The following CCDC9 variants were observed in gnomAD, a reference collection of about 807,000 sequenced individuals.
The protein encoded by CCDC9 is coiled-coil domain-containing protein 9.
CCDC9 carries 52 observed loss-of-function variants against 65.6 expected under a neutral mutation model. That is an observed-to-expected ratio of 0.79 (90% CI 0.63 to 1.00). The LOEUF is 1.00. CCDC9 is among the 50% of genes least tolerant of loss of function. The probability of loss-of-function intolerance (pLI) is 0.00; values close to 1 mark genes in which losing one functional copy is unlikely to be tolerated. For synonymous variants in CCDC9, 332 were observed against 280.3 expected (o/e 1.18, Z -1.84); for missense variants, 834 against 757.2 (o/e 1.10, Z -1.19).
chr19:47,256,908 C>T (rs1678795431), intron 1 of CCDC9, among the ~76,000 whole-genome samples: 1 of 150,810 alleles, frequency 6.6e-6, no homozygotes, highest in African/African-American at 2.5e-5. Context: ...GGGGCTCGGA[C>T]GCCGGGCGGA....
rs202008753 is a variant in CCDC9, at chr19:47,271,647, C to A, written c.1565C>A (p.Pro522Gln). 6.2e-7 allele frequency: 1 copy of A among 1,602,822 alleles called. No homozygotes were observed. Among genetic ancestry groups the A allele is most frequent in the Non-Finnish European group, 8.5e-7 (1 of 1,174,458 alleles). The change falls in exon 12 of 12, where the codon CCG (proline) becomes CAG (glutamine). Residue 522 changes from proline (P) to glutamine (Q), a missense_variant. Physicochemically the swap from Pro to Gln is moderately conservative, Grantham distance 76. Transcript: ENST00000221922. ...RTTHLAGALS[P>Q]GEAWPFESV ...ACTCACCTGGCTGGCGCCCTCTCCC[C>A]GGGTGAGGCCTGGCCTTTTGAGAGT...
chr19:47,258,765 T>C (rs1178550216), intron 3 of CCDC9, 102 bp downstream of exon 3: 2 of 842,850 alleles, frequency 2.4e-6, no homozygotes, highest in East Asian at 5.1e-5. Context: ...TCCCCATCAC[T>C]GTCAGGATAA....
Position 47,260,578 on chromosome 19 carries a change from C to T in CCDC9, c.211-10C>T, listed in dbSNP as rs1267829163. On this transcript the variant is annotated splice_polypyrimidine_tract_variant and intron_variant, in intron 4 of 11. Coordinates refer to ENST00000221922, the MANE Select transcript of CCDC9 (RefSeq NM_015603.3). ...CAGTGACTGTATTTTCCCCATCTCCCCTCTTCCAGGAGAAGAACCTGGGTC... is the reference window on the plus strand; with the variant it reads ...CAGTGACTGTATTTTCCCCATCTCCTCTCTTCCAGGAGAAGAACCTGGGTC... 2.0e-6 allele frequency: 3 copies of T among 1,533,256 alleles called. No individual in the cohort carries two copies. Among genetic ancestry groups the T allele is most frequent in the African/African-American group, 1.4e-5 (1 of 72,602 alleles). The allele number at this position is 1,533,256 out of a possible 1,614,324, so 95.0% of individuals were successfully genotyped here. A position where few individuals can be genotyped will look rare whatever the true frequency, so the allele number is the denominator to read the frequency against.
In CCDC9 at chr19:47,260,379, G is replaced by A. The variant is rs1390076894; in HGVS notation, c.167G>A (p.Arg56Gln). Reference sequence around the variant, plus strand: ...GAGGGAGTCGCAGTCACAGCTCCCCGAAAGGGCCGCTCAGTGGAGAAGGAG... The same window carrying A: ...GAGGGAGTCGCAGTCACAGCTCCCCAAAAGGGCCGCTCAGTGGAGAAGGAG... Reference protein sequence around the residue: ...ELEGVAVTAPRKGRSVEKENV... With the variant: ...ELEGVAVTAPQKGRSVEKENV... Residue 56 changes from arginine to glutamine, a missense_variant, in exon 4 of 12, where the codon CGA (arginine) becomes CAA (glutamine). Transcript: ENST00000221922. The A allele has an allele frequency of 3.1e-6, 5 of 1,605,604 alleles. No individual in the cohort carries two copies. The South Asian group carries it at 4.5e-5, about 14-fold the overall frequency.
rs2059110122 is a variant in CCDC9, at chr19:47,270,573, C to G, written c.970C>G (p.Pro324Ala). 1 of 1,613,794 alleles carries G rather than the reference C, an allele frequency of 6.2e-7. No homozygotes were observed. Among genetic ancestry groups the G allele is most frequent in the African/African-American group, 1.3e-5 (1 of 74,932 alleles). The change falls in exon 10 of 12, where the codon CCC (proline) becomes GCC (alanine). Residue 324 changes from proline (P) to alanine (A), a missense_variant. Coordinates refer to ENST00000221922, the MANE Select transcript of CCDC9 (RefSeq NM_015603.3). ...HRYDDQAWAR[P>A]PKPPTFGEFL... ...TGCAGATGACCAGGCCTGGGCCCGG[C>G]CCCCGAAGCCCCCTACTTTTGGGGA...
intron 1 of CCDC9, among the ~76,000 whole-genome samples, 161 bp downstream of exon 1, chr19:47,256,770 C>T (rs1373766033): frequency 2.7e-5 from 1 of 37,196 alleles, no homozygotes; most frequent in Admixed American, 3.9e-4. Context: ...GCGGGGCGGG[C>T]CGTTGGGTGG....
downstream of CCDC9, chr19:47,274,946 C>CG (rs1568645174): frequency 7.4e-7 from 1 of 1,346,384 alleles, no homozygotes; most frequent in Non-Finnish European, 9.4e-7. Context: ...GCGTGGGCGG[C>CG]GGCGCCGAGA....
intron 5 of CCDC9, 107 bp downstream of exon 5, chr19:47,260,946 A>ATC: frequency 7.6e-6 from 10 of 1,307,754 alleles, no homozygotes; most frequent in Non-Finnish European, 1.0e-5. Context: ...ATCTTTCAGT[A>ATC]TCTCTCTCTG....
At chr19:47,274,714 C>T (rs1222736438), downstream of CCDC9, 18 of 247,400 alleles carry the variant, frequency 7.3e-5, 1 homozygote, top group South Asian at 1.7e-3. Flanking sequence ...GGGGTAGCAC[C>T]TCCGCCTGTC....
intron 3 of CCDC9, among the ~76,000 whole-genome samples, chr19:47,259,078 G>T (rs1382730268): frequency 6.6e-6 from 1 of 152,228 alleles, no homozygotes; most frequent in East Asian, 1.9e-4. Context: ...GGGCTTCCTG[G>T]AGGAGTGGAC....
downstream of CCDC9, chr19:47,272,004 TTC>T: frequency 8.0e-7 from 1 of 1,243,410 alleles, no homozygotes; most frequent in Non-Finnish European, 1.0e-6. Context: ...CCCCTGGGCC[TTC>T]TCTCTTGGGG....
At chr19:47,272,305 A>G, downstream of CCDC9, 1 of 463,904 alleles carries the variant, frequency 2.2e-6, no homozygotes, top group African/African-American at 2.1e-5. Flanking sequence ...GTGAGCTCGG[A>G]TAGGGATGGG....
intron 8 of CCDC9, among the ~76,000 whole-genome samples, chr19:47,269,350 T>C (rs2123476084): frequency 6.6e-6 from 1 of 151,734 alleles, no homozygotes; most frequent in South Asian, 2.1e-4. Context: ...GTAATAATAT[T>C]ATCTTTTTTT....
At chr19:47,265,569 A>G (rs1459297277) in intron 7 of CCDC9, among the ~76,000 whole-genome samples, 2 of 151,866 alleles carry the variant, frequency 1.3e-5, no homozygotes, top group Non-Finnish European at 2.9e-5. Flanking sequence ...TTCTGTCAGT[A>G]CCACGTGGCT....
At position 47,260,362 on chromosome 19, in the gene CCDC9, C is replaced by G; in HGVS notation, c.150C>G (p.Val50=). 2 of 1,602,550 alleles carry G rather than the reference C, an allele frequency of 1.2e-6. No homozygotes were observed. The highest frequency in any genetic ancestry group is 2.2e-5 in the South Asian group (2 of 89,218). The change falls in exon 4 of 12, where the codon GTC becomes GTG. Residue 50 remains valine (V), a synonymous_variant. Transcript: ENST00000221922. The stretch of plus-strand genomic sequence containing the variant: ...GTAAGAAAGCTGAACTTGAGGGAGT[C>G]GCAGTCACAGCTCCCCGAAAGGGCC... The part of the protein sequence containing the change: ...EDRKKAELEG[V]AVTAPRKGRS...
At chr19:47,263,513 T>G (rs2059059443) in intron 5 of CCDC9, among the ~76,000 whole-genome samples, 1 of 152,168 alleles carries the variant, frequency 6.6e-6, no homozygotes, top group Non-Finnish European at 1.5e-5. Context: ...GCACTCCAGG[T>G]TTTTAATTGG....
At chr19:47,275,043 C>T (rs1214305253), downstream of CCDC9, 17 of 1,490,976 alleles carry the variant, frequency 1.1e-5, no homozygotes, top group East Asian at 8.7e-5. Flanking sequence ...CTGCGTCTCG[C>T]TAGCTGCCGT....
chr19:47,271,820 A>G lies in CCDC9; in HGVS notation c.*142A>G, dbSNP rs2059125971. Reference sequence around the variant, plus strand: ...TGGGCCCTGGGACCCAGTGTGCCCCACAGCCCTGTCAGCTGAGGGGGTAGC... The same window carrying G: ...TGGGCCCTGGGACCCAGTGTGCCCCGCAGCCCTGTCAGCTGAGGGGGTAGC... On this transcript the variant is annotated 3_prime_UTR_variant, in exon 12 of 12. Transcript: ENST00000221922. 8.4e-6 allele frequency: 12 copies of G among 1,433,490 alleles called. No individual in the cohort carries two copies. The Admixed American group carries it at 3.4e-4, about 40-fold the overall frequency. The allele number at this position is 1,433,490 out of a possible 1,614,324, so 88.8% of individuals were successfully genotyped here.
At chr19:47,269,511 C>T (rs1266546210) in intron 8 of CCDC9, among the ~76,000 whole-genome samples, 6 of 152,050 alleles carry the variant, frequency 3.9e-5, no homozygotes, top group African/African-American at 9.7e-5. Context: ...CCACCAAGCC[C>T]GGCTAATTTT....
Sources: allele counts gnomAD v4.1 joint callset (sites outside exome capture counted in the v4.1 genomes callset), GRCh38; gene constraint gnomAD v4.1.1; transcripts MANE v1.5; gene names NCBI Gene and HGNC (gene_info 2026-07-23, HGNC 2026-07-21).